Variants in RHPN2 observed in about 807,000 individuals in gnomAD.
RHPN2 encodes the protein rhophilin-2.
In RHPN2, 40 loss-of-function variants were observed where a neutral mutation model predicts 79.0. The ratio of observed to expected loss-of-function variants is 0.51; its 90% CI spans 0.39 to 0.66. RHPN2 has a LOEUF of 0.66. Ranked by LOEUF, RHPN2 falls within the 30% of genes least tolerant of loss-of-function variation. The pLI is 0.00. For missense variants in RHPN2, 686 were observed against 883.5 expected (o/e 0.78, Z 2.83); for synonymous variants, 285 against 363.5 (o/e 0.78, Z 2.46).
At chr19:33,062,911 G>GGCTC (rs1276385915) in intron 1 of RHPN2, among the ~76,000 whole-genome samples, 1 of 152,084 alleles carries the variant, frequency 6.6e-6, no homozygotes, top group African/African-American at 2.4e-5. Flanking sequence ...AGACACGGAG[G>GGCTC]GCTCCCACAG....
intron 10 of RHPN2, among the ~76,000 whole-genome samples, chr19:32,997,163 TG>T (rs1971709143): frequency 6.6e-6 from 1 of 152,170 alleles, no homozygotes; most frequent in Admixed American, 6.6e-5. Context: ...CCTCCCAGAC[TG>T]CTGGGATGAC....
At chr19:33,047,575 G>C (rs1972152097) in intron 1 of RHPN2, among the ~76,000 whole-genome samples, 3 of 152,146 alleles carry the variant, frequency 2.0e-5, no homozygotes, top group African/African-American at 7.2e-5. Context: ...AGTATTACGT[G>C]GTGAAGAGAC....
At chr19:33,061,741 C>T (rs1444419897) in intron 1 of RHPN2, among the ~76,000 whole-genome samples, 1 of 152,158 alleles carries the variant, frequency 6.6e-6, no homozygotes, top group African/African-American at 2.4e-5. Context: ...GCCTCAGCAT[C>T]TCAAAATACT....
intron 7 of RHPN2, 148 bp downstream of exon 7, chr19:33,007,866 G>A (rs1971804820): frequency 1.1e-6 from 1 of 884,168 alleles, no homozygotes; most frequent in African/African-American, 1.7e-5. Context: ...CCCGGCCGGA[G>A]CAAGTTTCTT....
chr19:32,993,140 TA>T (rs1568310533), intron 12 of RHPN2, among the ~76,000 whole-genome samples: 2 of 151,644 alleles, frequency 1.3e-5, no homozygotes, highest in Admixed American at 1.3e-4. Context: ...AAAATATTTT[TA>T]AAAAATTTTA....
intron 2 of RHPN2, among the ~76,000 whole-genome samples, chr19:33,041,182 C>T (rs549051699): frequency 5.9e-5 from 9 of 152,208 alleles, no homozygotes; most frequent in Middle Eastern, 3.4e-3. Context: ...TTTCTGGGGA[C>T]ACCTCCAAAC....
intron 1 of RHPN2, among the ~76,000 whole-genome samples, chr19:33,046,094 T>TTCA (rs1488664996): frequency 6.6e-6 from 1 of 152,080 alleles, no homozygotes; most frequent in Non-Finnish European, 1.5e-5. Context: ...ACTTTATCCA[T>TTCA]TCATCATTCA....
At chr19:33,008,233 T>TA in intron 6 of RHPN2, 53 bp from the exon 7 acceptor site, 1 of 1,480,842 alleles carries the variant, frequency 6.8e-7, no homozygotes, top group Non-Finnish European at 9.3e-7. Flanking sequence ...TAGTTAATGC[T>TA]ACAAGTGGAA....
chr19:33,045,480 A>T (rs1972135076), intron 1 of RHPN2, among the ~76,000 whole-genome samples: 5 of 142,898 alleles, frequency 3.5e-5, no homozygotes, highest in Admixed American at 1.4e-4. Flanking sequence ...GTGCTATCTG[A>T]TTTTTTTTTT....
chr19:33,064,862 G>T lies in RHPN2; in HGVS notation c.-10C>A. On this transcript the variant is annotated 5_prime_UTR_variant, in exon 1 of 15. Transcript: ENST00000254260. ...ACAGCGCGTCGGTCATGCTAGCGGC[G>T]CGGGCGCGGAGGGCGGACGGCGGAC... The T allele has an allele frequency of 2.7e-6, 4 of 1,502,992 alleles. No individual in the cohort carries two copies. The highest frequency in any genetic ancestry group is 3.5e-6 in the Non-Finnish European group (4 of 1,132,884). The allele number at this position is 1,502,992 out of a possible 1,614,324, so 93.1% of individuals were successfully genotyped here.
intron 1 of RHPN2, among the ~76,000 whole-genome samples, chr19:33,056,376 T>C (rs201560630): frequency 6.6e-6 from 1 of 152,012 alleles, no homozygotes; most frequent in African/African-American, 2.4e-5. Flanking sequence ...CTTCCCAAAG[T>C]GCTGGGATTA....
chr19:33,008,078 G>A lies in RHPN2; in HGVS notation c.696C>T (p.Thr232=), dbSNP rs1292422631. Residue 232 remains threonine (T), a synonymous_variant, in exon 7 of 15, where the codon ACC becomes ACT. Coordinates refer to ENST00000254260, the MANE Select transcript of RHPN2 (RefSeq NM_033103.5). ...NTGALYTQIG[T]RCDRQTQAGL... is the part of the protein sequence containing the mutation. Reference sequence around the variant, plus strand: ...CAGCCTGCGTCTGCCGATCACACCGGGTCCCAATCTGGGTGTAGAGGGCCC... The same window carrying A: ...CAGCCTGCGTCTGCCGATCACACCGAGTCCCAATCTGGGTGTAGAGGGCCC... The A allele has an allele frequency of 2.5e-6, 4 of 1,613,660 alleles. No homozygotes were observed. The South Asian group carries it at 3.3e-5, about 13-fold the overall frequency.
intron 4 of RHPN2, among the ~76,000 whole-genome samples, chr19:33,018,195 G>A (rs892850620): frequency 2.6e-5 from 4 of 151,530 alleles, no homozygotes; most frequent in African/African-American, 9.7e-5. Flanking sequence ...TGGCCATAGT[G>A]GTGCATGCCT....
At chr19:33,003,566 T>C (rs970096934) in intron 7 of RHPN2, among the ~76,000 whole-genome samples, 1 of 151,950 alleles carries the variant, frequency 6.6e-6, no homozygotes, top group African/African-American at 2.4e-5. Flanking sequence ...AGCTGAAAAG[T>C]GGAAACCACC....
chr19:33,011,964 C>T (rs1971838896), intron 5 of RHPN2, among the ~76,000 whole-genome samples, 161 bp from the exon 6 acceptor site: 1 of 151,956 alleles, frequency 6.6e-6, no homozygotes, highest in South Asian at 2.1e-4. Context: ...TGGAAAGAAC[C>T]TGGGAGGAAG....
intron 9 of RHPN2, among the ~76,000 whole-genome samples, chr19:33,000,200 G>C (rs1171188316): frequency 1.3e-5 from 2 of 149,234 alleles, no homozygotes; most frequent in East Asian, 2.0e-4. Context: ...ACTGGGACCA[G>C]TCACACTCCA....
rs1224051535 is a variant in RHPN2 at position 33,049,885 on chromosome 19, C to T, written c.70-5521G>A. ...TGCTGCTCCAGGATGAGCGGTGAGG[C>T]GGTGTGAGCGGTAGGAATGCATGCA... On this transcript the variant is annotated intron_variant, in intron 1 of 14. Transcript: ENST00000254260. Among the ~76,000 whole-genome samples the T allele has an allele frequency of 2.0e-5, 3 of 152,192 alleles. No individual in the cohort carries two copies. In the South Asian group the frequency reaches 6.2e-4, roughly 32 times the overall value.
chr19:32,997,982 G>A (rs574683676), intron 10 of RHPN2, among the ~76,000 whole-genome samples: 4 of 152,316 alleles, frequency 2.6e-5, no homozygotes, highest in Admixed American at 1.3e-4. Flanking sequence ...GATCATGGCG[G>A]ACCTCACGCG....
At chr19:33,062,492 G>T (rs1371477519) in intron 1 of RHPN2, among the ~76,000 whole-genome samples, 1 of 148,922 alleles carries the variant, frequency 6.7e-6, no homozygotes, top group Admixed American at 6.7e-5. Flanking sequence ...ACCTGTAGCC[G>T]GGCGCAGTGG....
Sources: gnomAD v4.1 joint callset for allele counts (sites outside exome capture counted in the v4.1 genomes callset) on GRCh38, gnomAD v4.1.1 for gene constraint, MANE v1.5 for transcripts, NCBI Gene and HGNC (gene_info 2026-07-23, HGNC 2026-07-21) for gene names.